UBL3: variants seen among roughly 807,000 people sequenced by gnomAD.
UBL3 encodes ubiquitin-like protein 3.
A neutral mutation model predicts 18.4 loss-of-function variants in UBL3; 6 were observed. That is an observed-to-expected ratio of 0.33 (90% confidence interval 0.18 to 0.64). The LOEUF (loss-of-function observed/expected upper bound fraction) is 0.64. Ranked by LOEUF, UBL3 falls within the 30% of genes least tolerant of loss-of-function variation. UBL3 has a pLI of 0.76. For missense variants in UBL3, 109 were observed against 142.9 expected (o/e 0.76, Z 1.21); for synonymous variants, 49 against 46.6 (o/e 1.05, Z -0.21).
At chr13:29,802,739 C>G (rs902067089) in intron 1 of UBL3, among the ~76,000 whole-genome samples, 13 of 151,970 alleles carry the variant, frequency 8.6e-5, no homozygotes, top group African/African-American at 2.9e-4. Context: ...TGAACTCAGT[C>G]AGACAAAAAC....
At chr13:29,829,976 A>T (rs1878733298) in intron 1 of UBL3, among the ~76,000 whole-genome samples, 1 of 152,228 alleles carries the variant, frequency 6.6e-6, no homozygotes. Context: ...GCGAAAGTGG[A>T]TATACCATTG....
chr13:29,767,783 T>A (rs369110298), intron 3 of UBL3, 88 bp from the exon 4 acceptor site: 1 of 1,142,404 alleles, frequency 8.8e-7, no homozygotes, highest in East Asian at 2.6e-5. Flanking sequence ...AAAAATTGAT[T>A]GCTTTTTTAT....
chr13:29,791,660 T>A (rs1040864562), intron 1 of UBL3, among the ~76,000 whole-genome samples: 6 of 152,284 alleles, frequency 3.9e-5, no homozygotes, highest in African/African-American at 1.4e-4. Flanking sequence ...ACTCCTTCCT[T>A]CCTCAGAGTT....
At chr13:29,810,409 T>C (rs1235092768) in intron 1 of UBL3, among the ~76,000 whole-genome samples, 1 of 151,706 alleles carries the variant, frequency 6.6e-6, no homozygotes, top group Non-Finnish European at 1.5e-5. Flanking sequence ...AAAAAGCAAA[T>C]AAAGAGTTGG....
intron 1 of UBL3, among the ~76,000 whole-genome samples, chr13:29,808,317 A>C (rs933614728): frequency 2.1e-5 from 3 of 145,492 alleles, no homozygotes; most frequent in African/African-American, 7.6e-5. Flanking sequence ...CCATTTAATA[A>C]AGGATGACAT....
chr13:29,833,261 A>C (rs1747060), intron 1 of UBL3, among the ~76,000 whole-genome samples: 14,951 of 151,352 alleles, frequency 0.099, 892 homozygotes, highest in African/African-American at 0.16. Context: ...GATGACTAAA[A>C]TAAAAAGACG....
chr13:29,784,730 G>C (rs1217067928), intron 1 of UBL3, among the ~76,000 whole-genome samples: 5 of 152,124 alleles, frequency 3.3e-5, no homozygotes, highest in Non-Finnish European at 7.4e-5. Flanking sequence ...CCTATAAAAG[G>C]GTAGCACAAA....
intron 1 of UBL3, among the ~76,000 whole-genome samples, chr13:29,791,302 G>A (rs4265673): frequency 2.0e-5 from 3 of 151,906 alleles, no homozygotes; most frequent in Non-Finnish European, 4.4e-5. Flanking sequence ...TTCTGTCAGG[G>A]TGTTCTAGAC....
At chr13:29,784,858 T>C (rs377160270) in intron 1 of UBL3, among the ~76,000 whole-genome samples, 17 of 139,718 alleles carry the variant, frequency 1.2e-4, no homozygotes, top group African/African-American at 4.2e-4. Flanking sequence ...CACACACAAA[T>C]AAATGCATAT....
At chr13:29,786,831 A>G (rs1401688579) in intron 1 of UBL3, among the ~76,000 whole-genome samples, 1 of 152,224 alleles carries the variant, frequency 6.6e-6, no homozygotes, top group African/African-American at 2.4e-5. Flanking sequence ...TAGAACACTC[A>G]GTGAGATTCC....
chr13:29,777,477 C>A lies in UBL3; in HGVS notation c.28-214G>T, dbSNP rs376821063. On this transcript the variant is annotated intron_variant, in intron 1 of 4. Coordinates refer to ENST00000380680, the MANE Select transcript of UBL3 (RefSeq NM_007106.4). ...TTAAAGGGTGTGTGTGTGTGTCAGACATATTTGCCATAATAAATGAACAAA... is the reference window on the plus strand; with the variant it reads ...TTAAAGGGTGTGTGTGTGTGTCAGAAATATTTGCCATAATAAATGAACAAA... The A allele has an allele frequency of 4.7e-5, 31 of 652,658 alleles. No individual in the cohort carries two copies. The Middle Eastern group carries it at 1.0e-3, about 22-fold the overall frequency. 40.4% of individuals were successfully genotyped at this position (652,658 alleles called of 1,614,324 possible). A position where few individuals can be genotyped will look rare whatever the true frequency, so the allele number is the denominator to read the frequency against.
intron 2 of UBL3, among the ~76,000 whole-genome samples, chr13:29,774,347 G>T (rs1253814582): frequency 1.3e-5 from 2 of 151,862 alleles, no homozygotes; most frequent in Admixed American, 6.6e-5. Flanking sequence ...TCTGCCTTGT[G>T]TTATGTTTTC....
intron 1 of UBL3, among the ~76,000 whole-genome samples, chr13:29,822,535 G>A (rs926972852): frequency 6.6e-6 from 1 of 152,126 alleles, no homozygotes; most frequent in Admixed American, 6.5e-5. Flanking sequence ...AATTAGAAAA[G>A]TGTTTCTAGT....
At chr13:29,785,088 T>C (rs1157560512) in intron 1 of UBL3, among the ~76,000 whole-genome samples, 2 of 152,104 alleles carry the variant, frequency 1.3e-5, no homozygotes, top group East Asian at 1.9e-4. Context: ...GTATTTTTAG[T>C]AGAGATGGGG....
chr13:29,798,655 T>C (rs928134603), intron 1 of UBL3, among the ~76,000 whole-genome samples: 3 of 152,182 alleles, frequency 2.0e-5, no homozygotes, highest in African/African-American at 4.8e-5. Context: ...CTGAATCAAG[T>C]GTAATTAGAA....
intron 1 of UBL3, among the ~76,000 whole-genome samples, chr13:29,827,649 T>C (rs9578141): frequency 0.32 from 49,079 of 152,072 alleles, 9,739 homozygotes; most frequent in Non-Finnish European, 0.43. Context: ...CCAGTCTGTG[T>C]CTTTTAATTG....
intron 1 of UBL3, among the ~76,000 whole-genome samples, chr13:29,779,014 A>C (rs1877074856): frequency 6.6e-6 from 1 of 152,240 alleles, no homozygotes; most frequent in Non-Finnish European, 1.5e-5. Context: ...TTAGAATGGA[A>C]TTATACCAAA....
chr13:29,811,260 T>C (rs1233654538), intron 1 of UBL3, among the ~76,000 whole-genome samples: 1 of 152,136 alleles, frequency 6.6e-6, no homozygotes, highest in Non-Finnish European at 1.5e-5. Context: ...TGTTGCAGAA[T>C]AATATAAACT....
At chr13:29,775,272 A>G (rs1482857931) in intron 2 of UBL3, among the ~76,000 whole-genome samples, 1 of 152,218 alleles carries the variant, frequency 6.6e-6, no homozygotes, top group African/African-American at 2.4e-5. Flanking sequence ...TGAGTTAAGA[A>G]GAATAAAGAG....
Sources: allele counts gnomAD v4.1 joint callset (sites outside exome capture counted in the v4.1 genomes callset), GRCh38; gene constraint gnomAD v4.1.1; transcripts MANE v1.5; gene names NCBI Gene and HGNC (gene_info 2026-07-23, HGNC 2026-07-21).